SORL1: variants seen among roughly 807,000 people sequenced by gnomAD.
SORL1 encodes sortilin related receptor 1.
In SORL1, 127 loss-of-function variants were observed where a neutral mutation model predicts 273.7. That is an observed-to-expected ratio of 0.46 (90% CI 0.40 to 0.54). The LOEUF (loss-of-function observed/expected upper bound fraction) is 0.54. Among genes scored for constraint, SORL1 ranks in the 20% least tolerant of loss-of-function variants. The pLI, the probability that SORL1 is intolerant of heterozygous loss-of-function variation, is 0.00. For missense variants in SORL1, 2,494 were observed against 2,846.1 expected (o/e 0.88, Z 2.81); for synonymous variants, 1,031 against 1,067.4 (o/e 0.97, Z 0.66).
chr11:121,478,952 CTG>C (rs1861326525), intron 3 of SORL1, among the ~76,000 whole-genome samples: 1 of 145,926 alleles, frequency 6.9e-6, no homozygotes, highest in African/African-American at 2.5e-5. Flanking sequence ...GTGTGGGTAC[CTG>C]CGTGCGTGCG....
intron 25 of SORL1, among the ~76,000 whole-genome samples, chr11:121,582,758 A>C (rs1304017909): frequency 6.6e-6 from 1 of 152,238 alleles, no homozygotes; most frequent in Non-Finnish European, 1.5e-5. Flanking sequence ...AACTCTACAG[A>C]AAGACAATTT....
chr11:121,611,026 C>A, intron 38 of SORL1, 50 bp from the exon 39 acceptor site: 1 of 1,292,938 alleles, frequency 7.7e-7, no homozygotes. Flanking sequence ...TCCTGCCTTC[C>A]TCACTTTTCA....
chr11:121,569,829 C>A (rs1166000310), intron 22 of SORL1, among the ~76,000 whole-genome samples: 1 of 152,218 alleles, frequency 6.6e-6, no homozygotes, highest in Non-Finnish European at 1.5e-5. Flanking sequence ...TACACTCCCT[C>A]CCCTTTTGAA....
At chr11:121,568,624 A>T (rs1046129885) in intron 22 of SORL1, among the ~76,000 whole-genome samples, 1 of 152,176 alleles carries the variant, frequency 6.6e-6, no homozygotes, top group African/African-American at 2.4e-5. Flanking sequence ...ATATATATGG[A>T]TATATATAAC....
At chr11:121,518,518 C>G (rs1861987083) in intron 8 of SORL1, among the ~76,000 whole-genome samples, 2 of 152,242 alleles carry the variant, frequency 1.3e-5, no homozygotes, top group East Asian at 1.9e-4. Context: ...TCAGGCCTCC[C>G]AGATATCTAG....
intron 32 of SORL1, among the ~76,000 whole-genome samples, chr11:121,598,661 T>C (rs1863337990): frequency 6.6e-6 from 1 of 152,240 alleles, no homozygotes; most frequent in Non-Finnish European, 1.5e-5. Flanking sequence ...CTTGTGATGA[T>C]CTCTACGGTG....
intron 18 of SORL1, 126 bp from the exon 19 acceptor site, chr11:121,557,188 G>A (rs1279074173): frequency 2.7e-6 from 2 of 753,492 alleles, no homozygotes; most frequent in Non-Finnish European, 4.8e-6. Context: ...AGATGGGTCA[G>A]GTCAGGGAAA....
At chr11:121,624,068 A>G (rs995109402) in intron 45 of SORL1, among the ~76,000 whole-genome samples, 1 of 152,196 alleles carries the variant, frequency 6.6e-6, no homozygotes, top group Non-Finnish European at 1.5e-5. Flanking sequence ...AGATCTTGTG[A>G]GACTATTCAC....
At chr11:121,619,065 A>G (rs1015655243) in intron 42 of SORL1, among the ~76,000 whole-genome samples, 172 bp downstream of exon 42, 1 of 152,166 alleles carries the variant, frequency 6.6e-6, no homozygotes, top group Non-Finnish European at 1.5e-5. Flanking sequence ...GAAATACAGA[A>G]TGAACGGCCA....
At chr11:121,565,711 G>A (rs1036484890) in intron 21 of SORL1, among the ~76,000 whole-genome samples, 2 of 152,164 alleles carry the variant, frequency 1.3e-5, no homozygotes, top group African/African-American at 4.8e-5. Context: ...CCCCATAGTT[G>A]TATCATGTTT....
At chr11:121,514,523 G>A (rs745810576) in intron 8 of SORL1, among the ~76,000 whole-genome samples, 1 of 152,108 alleles carries the variant, frequency 6.6e-6, no homozygotes, top group Non-Finnish European at 1.5e-5. Flanking sequence ...CTTAAGAAGC[G>A]CCCTAGGTGA....
intron 12 of SORL1, among the ~76,000 whole-genome samples, chr11:121,534,810 T>A (rs1862246075): frequency 6.6e-6 from 1 of 152,266 alleles, no homozygotes; most frequent in Non-Finnish European, 1.5e-5. Context: ...TATCTGTTGC[T>A]GGGCTAGGGC....
intron 43 of SORL1, 92 bp from the exon 44 acceptor site, chr11:121,620,972 T>C (rs1863714870): frequency 5.5e-6 from 5 of 909,776 alleles, no homozygotes; most frequent in African/African-American, 1.7e-5. Context: ...GGGTCCCAGC[T>C]ATTAATATAC....
At chr11:121,617,673 A>G (rs1214313994) in intron 41 of SORL1, among the ~76,000 whole-genome samples, 1 of 152,158 alleles carries the variant, frequency 6.6e-6, no homozygotes, top group Non-Finnish European at 1.5e-5. Context: ...ACTCTTGGAG[A>G]AAATGCTCTT....
At chr11:121,544,184 C>G (rs1256714349) in intron 13 of SORL1, among the ~76,000 whole-genome samples, 1 of 152,066 alleles carries the variant, frequency 6.6e-6, no homozygotes, top group Admixed American at 6.6e-5. Context: ...AAGTGAAACT[C>G]TTCAGCATCC....
chr11:121,601,002 C>T (rs889834053), intron 32 of SORL1, among the ~76,000 whole-genome samples: 2 of 151,494 alleles, frequency 1.3e-5, no homozygotes, highest in South Asian at 2.1e-4. Context: ...CCCACTAACT[C>T]GTCATCTAAC....
chr11:121,576,859 C>T, intron 24 of SORL1: 1 of 1,535,558 alleles, frequency 6.5e-7, no homozygotes, highest in Non-Finnish European at 8.7e-7. Flanking sequence ...ATGCAGACCT[C>T]TCGGCACTCC....
intron 6 of SORL1, among the ~76,000 whole-genome samples, chr11:121,506,369 A>G (rs1379639363): frequency 6.6e-6 from 1 of 152,210 alleles, no homozygotes; most frequent in Non-Finnish European, 1.5e-5. Flanking sequence ...ATGGACTTAC[A>G]GTTCCATGTG....
At position 121,558,687 on chromosome 11, in the gene SORL1, G is replaced by T. The variant is rs769354281; in HGVS notation, c.2760G>T (p.Val920=). ...SAAYHLVSED[V]KWPNGISVDD... ...CCTATCACCTGGTGTCTGAGGATGT[G>T]AAGTGGCCCAATGGCATCTCTGTGG... The change falls in exon 20 of 48, where the codon GTG becomes GTT. Residue 920 remains valine (V), a synonymous_variant. Coordinates refer to ENST00000260197, the MANE Select transcript of SORL1 (RefSeq NM_003105.6). 1.1e-5 allele frequency: 17 copies of T among 1,614,034 alleles called. No individual in the cohort carries two copies. In the African/African-American group the frequency reaches 2.1e-4, roughly 20 times the overall value.
Sources: gnomAD v4.1 joint callset for allele counts (sites outside exome capture counted in the v4.1 genomes callset) on GRCh38, gnomAD v4.1.1 for gene constraint, MANE v1.5 for transcripts, NCBI Gene and HGNC (gene_info 2026-07-23, HGNC 2026-07-21) for gene names.